The following PNLIP variants were observed in gnomAD, a reference collection of about 807,000 sequenced individuals.
The protein encoded by PNLIP is pancreatic triacylglycerol lipase.
In PNLIP, 49 loss-of-function variants were observed where a neutral mutation model predicts 57.1. The observed-to-expected ratio is 0.86, with a 90% CI of 0.68 to 1.09. The LOEUF is 1.09. Among genes scored for constraint, PNLIP ranks in the 50% least tolerant of loss-of-function variants. The pLI is 0.00. For missense variants in PNLIP, 503 were observed against 570.2 expected, an observed-to-expected ratio of 0.88 and a Z score of 1.20; for synonymous variants, 209 against 200.4, an observed-to-expected ratio of 1.04 and a Z score of -0.36.
rs1371928431 is a variant in PNLIP, at chr10:116,550,048, A to C, written c.325-1050A>C. 4.7e-5 allele frequency among the ~76,000 whole-genome samples: 7 copies of C among 149,430 alleles called. No homozygotes were observed. The East Asian group carries it at 1.4e-3, about 29-fold the overall frequency. ...TTTCTAAGATTGTTCCATTATTCTC[A>C]AATTCTTTTTTTTTTTTTTTTTTTT... On this transcript the variant is annotated intron_variant, in intron 4 of 12. Transcript: ENST00000369221.
In PNLIP at chr10:116,547,150, G is replaced by A. The variant is rs1017846090; in HGVS notation, c.47-144G>A. 4.1e-6 allele frequency: 3 copies of A among 727,950 alleles called. No homozygotes were observed. In the African/African-American group the frequency reaches 5.2e-5, roughly 13 times the overall value. The allele number at this position is 727,950 out of a possible 1,614,324, so 45.1% of individuals were successfully genotyped here. A position where few individuals can be genotyped will look rare whatever the true frequency, so the allele number is the denominator to read the frequency against. On this transcript the variant is annotated intron_variant, in intron 2 of 12. Transcript: ENST00000369221. ...AATAGTTGTGTTGTCTTTTGAAGCT[G>A]TTTTGTGAGTGTGTGGCTAGGAGGG...
chr10:116,546,497 C>A (rs1337926041), intron 2 of PNLIP, among the ~76,000 whole-genome samples: 1 of 152,186 alleles, frequency 6.6e-6, no homozygotes, highest in African/African-American at 2.4e-5. Context: ...TTGGCTCCAC[C>A]ACCACCTACA....
In PNLIP at chr10:116,551,238, T is replaced by C. The variant is rs758326136; in HGVS notation, c.459+6T>C. On this transcript the variant is annotated splice_donor_region_variant and intron_variant, in intron 5 of 12. Coordinates refer to ENST00000369221, the MANE Select transcript of PNLIP (RefSeq NM_000936.4). ...ATTTTGTTGAATTTCTTCAGGTAAT[T>C]ACTCCCGGATTGCATAAAAGCCTGT... The C allele has an allele frequency of 1.8e-5, 29 of 1,602,088 alleles. No homozygotes were observed. Among genetic ancestry groups the C allele is most frequent in the Non-Finnish European group, 2.3e-5 (27 of 1,173,780 alleles).
intron 2 of PNLIP, 60 bp from the exon 3 acceptor site, chr10:116,547,234 G>A: frequency 6.6e-7 from 1 of 1,514,134 alleles, no homozygotes. Flanking sequence ...TCATATATTG[G>A]CAGACAGATC....
intron 12 of PNLIP, among the ~76,000 whole-genome samples, chr10:116,564,015 A>T (rs1009972703): frequency 1.3e-5 from 2 of 152,178 alleles, no homozygotes; most frequent in South Asian, 4.1e-4. Flanking sequence ...ATATGTGAAG[A>T]AATAATACCT....
chr10:116,549,695 T>C (rs1847169696), intron 4 of PNLIP, among the ~76,000 whole-genome samples: 1 of 152,130 alleles, frequency 6.6e-6, no homozygotes, highest in Non-Finnish European at 1.5e-5. Flanking sequence ...TGATGATTAC[T>C]GGAGGGAGGG....
chr10:116,556,297 C>T (rs539662525), intron 9 of PNLIP, among the ~76,000 whole-genome samples, 179 bp downstream of exon 9: 1 of 152,298 alleles, frequency 6.6e-6, no homozygotes, highest in East Asian at 1.9e-4. Flanking sequence ...TGAGCTTGTA[C>T]ATGGAAATGT....
At chr10:116,556,905 A>G (rs1409522981) in intron 9 of PNLIP, among the ~76,000 whole-genome samples, 1 of 152,270 alleles carries the variant, frequency 6.6e-6, no homozygotes, top group Non-Finnish European at 1.5e-5. Context: ...TGGTTTCACC[A>G]TTAAATAGCT....
intron 9 of PNLIP, 89 bp downstream of exon 9, chr10:116,556,207 G>C (rs1847252201): frequency 2.7e-6 from 2 of 745,528 alleles, no homozygotes; most frequent in South Asian, 3.1e-5. Flanking sequence ...ATCATTCAAT[G>C]AATGTTTATA....
At chr10:116,560,591 C>T (rs1035699691) in intron 11 of PNLIP, 67 bp downstream of exon 11, 29 of 686,788 alleles carry the variant, frequency 4.2e-5, no homozygotes, top group Admixed American at 1.9e-4. Context: ...CTCGCTGTGT[C>T]GCCGGGGCTG....
chr10:116,548,451 G>T lies in PNLIP; in HGVS notation c.293G>T (p.Gly98Val). Residue 98 changes from glycine (G) to valine (V), a missense_variant, in exon 4 of 13, where the codon GGA becomes GTA. Gly to Val is a moderately radical substitution (Grantham distance 109, BLOSUM62 -3). Transcript: ENST00000369221. ...RFIIHGFIDK[G>V]EENWLANVCK... is the part of the protein sequence containing the mutation. Reference sequence around the variant, plus strand: ...ATTATTCATGGATTCATAGACAAGGGAGAAGAAAACTGGCTGGCCAATGTG... The same window carrying T: ...ATTATTCATGGATTCATAGACAAGGTAGAAGAAAACTGGCTGGCCAATGTG... The T allele has an allele frequency of 6.2e-7, 1 of 1,614,028 alleles. No homozygotes were observed. The highest frequency in any genetic ancestry group is 8.5e-7 in the Non-Finnish European group (1 of 1,179,938).
Position 116,555,292 on chromosome 10 carries a change from A to G in PNLIP, c.686A>G (p.Asn229Ser), listed in dbSNP as rs533683002. ...ACGGATGGTGCCCCCATAGTCCCCAATTTGGGTGAGTTCCTCAACCCGTCC... is the reference window on the plus strand; with the variant it reads ...ACGGATGGTGCCCCCATAGTCCCCAGTTTGGGTGAGTTCCTCAACCCGTCC... Reference protein sequence around the residue: ...IHTDGAPIVPNLGFGMSQVVG... With the variant: ...IHTDGAPIVPSLGFGMSQVVG... Residue 229 changes from asparagine (N) to serine (S), a missense_variant, in exon 7 of 13, where the codon AAT becomes AGT. Asn to Ser is a conservative substitution (Grantham distance 46). Transcript: ENST00000369221. 16 of 1,614,178 alleles carry G rather than the reference A, an allele frequency of 9.9e-6. No individual in the cohort carries two copies. The highest frequency in any genetic ancestry group is 3.3e-5 in the Admixed American group (2 of 60,026).
intron 12 of PNLIP, among the ~76,000 whole-genome samples, chr10:116,567,129 T>TTCTTTCTTTCTTTTCTTC (rs1847376308): frequency 1.3e-5 from 2 of 150,858 alleles, no homozygotes; most frequent in African/African-American, 4.9e-5. Flanking sequence ...TTCTCTTTCT[T>TTCTTTCTTTCTTTTCTTC]TCTTTCTTTC....
At chr10:116,553,678 A>G (rs2133201874) in intron 5 of PNLIP, 49 bp from the exon 6 acceptor site, 1 of 1,087,704 alleles carries the variant, frequency 9.2e-7, no homozygotes, top group Middle Eastern at 2.0e-4. Flanking sequence ...TTGTTGAGCA[A>G]CTCATGACTG....
At chr10:116,563,525 T>A (rs1847335810) in intron 12 of PNLIP, among the ~76,000 whole-genome samples, 3 of 152,162 alleles carry the variant, frequency 2.0e-5, no homozygotes, top group Admixed American at 1.3e-4. Flanking sequence ...ATATATGTTG[T>A]CTTTTATCCC....
intron 9 of PNLIP, among the ~76,000 whole-genome samples, chr10:116,558,403 C>T (rs1261018367): frequency 4.0e-5 from 6 of 151,056 alleles, no homozygotes; most frequent in Non-Finnish European, 7.4e-5. Flanking sequence ...ACCATGTTAG[C>T]CAGGATGGTC....
intron 12 of PNLIP, among the ~76,000 whole-genome samples, chr10:116,563,933 A>G (rs1039844674): frequency 6.6e-6 from 1 of 152,146 alleles, no homozygotes; most frequent in Non-Finnish European, 1.5e-5. Flanking sequence ...CAATAATAAT[A>G]AGGCTTATTT....
At chr10:116,559,534 G>T (rs1387930371) in intron 10 of PNLIP, among the ~76,000 whole-genome samples, 1 of 152,152 alleles carries the variant, frequency 6.6e-6, no homozygotes, top group Non-Finnish European at 1.5e-5. Context: ...AATTCAGAAG[G>T]CTTTCTCTGC....
At chr10:116,561,734 G>A (rs1447678200) in intron 12 of PNLIP, 98 bp downstream of exon 12, 4 of 1,055,860 alleles carry the variant, frequency 3.8e-6, no homozygotes, top group Admixed American at 4.5e-5. Context: ...TCCTACAGGG[G>A]ATCGCCTACA....
Sources: gnomAD v4.1 joint callset for allele counts (sites outside exome capture counted in the v4.1 genomes callset) on GRCh38, gnomAD v4.1.1 for gene constraint, MANE v1.5 for transcripts, NCBI Gene and HGNC (gene_info 2026-07-23, HGNC 2026-07-21) for gene names.